MICOS10: variants seen among roughly 807,000 people sequenced by gnomAD.
The protein encoded by MICOS10 is mitochondrial contact site and cristae organizing system subunit 10.
In MICOS10, 5 loss-of-function variants were observed where a neutral mutation model predicts 13.4. That is an observed-to-expected ratio of 0.37 (90% confidence interval 0.20 to 0.78). The LOEUF (loss-of-function observed/expected upper bound fraction) is 0.78. Ranked by LOEUF, MICOS10 falls within the 30% of genes least tolerant of loss-of-function variation. MICOS10 has a pLI of 0.47. For missense variants in MICOS10, 101 were observed against 94.6 expected, an observed-to-expected ratio of 1.07 and a Z score of -0.28; for synonymous variants, 35 against 33.6, an observed-to-expected ratio of 1.04 and a Z score of -0.15.
At chr1:19,604,593 G>A (rs1161028175) in intron 1 of MICOS10, among the ~76,000 whole-genome samples, 1 of 152,156 alleles carries the variant, frequency 6.6e-6, no homozygotes, top group East Asian at 1.9e-4. Flanking sequence ...CCTGATCTTG[G>A]CTATTGTGGG....
intron 1 of MICOS10, among the ~76,000 whole-genome samples, chr1:19,613,058 C>T (rs1323062163): frequency 6.6e-6 from 1 of 152,172 alleles, no homozygotes; most frequent in Non-Finnish European, 1.5e-5. Flanking sequence ...TGGTTGTCTT[C>T]CATACCATCT....
intron 1 of MICOS10, among the ~76,000 whole-genome samples, chr1:19,610,966 G>A (rs1286310231): frequency 6.7e-6 from 1 of 148,860 alleles, no homozygotes; most frequent in Non-Finnish European, 1.5e-5. Context: ...TTTTTTTTGA[G>A]ACAGGGTCTC....
intron 1 of MICOS10, among the ~76,000 whole-genome samples, chr1:19,613,160 T>C (rs539374173): frequency 6.6e-6 from 1 of 152,314 alleles, no homozygotes; most frequent in South Asian, 2.1e-4. Flanking sequence ...TACCAGTCAG[T>C]TGAGCCGAGA....
At chr1:19,608,104 A>T (rs1233095291) in intron 1 of MICOS10, 3 of 952,154 alleles carry the variant, frequency 3.2e-6, no homozygotes, top group Non-Finnish European at 5.2e-6. Context: ...TCTGGAGACG[A>T]CGTGCAGAAA....
At chr1:19,617,297 A>G (rs1471088528) in intron 1 of MICOS10, 15 of 985,118 alleles carry the variant, frequency 1.5e-5, no homozygotes, top group Non-Finnish European at 1.8e-5. Flanking sequence ...ATCCCTGCAG[A>G]TGTTCCAGCC....
rs562097037 is a variant in MICOS10, at chr1:19,620,150, C to G, written c.65-1950C>G. ...TCATGCAACAGCAACAAAAAGTGGC[C>G]AAAGGCAGAGAAAACTCTTCTCTTT... On this transcript the variant is annotated intron_variant, in intron 1 of 3. Coordinates refer to ENST00000322753, the MANE Select transcript of MICOS10 (RefSeq NM_001032363.4). 6.0e-4 allele frequency among the ~76,000 whole-genome samples: 92 copies of G among 152,288 alleles called. 2 individuals carry two copies. The highest frequency in any genetic ancestry group is 2.1e-3 in the African/African-American group (86 of 41,550).
Position 19,623,531 on chromosome 1 carries a change from A to G in MICOS10, c.170A>G (p.Asn57Ser), listed in dbSNP as rs1014955024. 6.2e-7 allele frequency: 1 copy of G among 1,613,644 alleles called. No homozygotes were observed. ...ATGGGATTAGGAATGGCTTATTCCAACTGTCAGCATGATTTCCAGGCTCCA... is the reference window on the plus strand; with the variant it reads ...ATGGGATTAGGAATGGCTTATTCCAGCTGTCAGCATGATTTCCAGGCTCCA... Reference protein sequence around the residue: ...SGMGLGMAYSNCQHDFQAPYL... With the variant: ...SGMGLGMAYSSCQHDFQAPYL... Residue 57 changes from asparagine (N) to serine (S), a missense_variant, in exon 3 of 4, where the codon AAC becomes AGC. By Grantham distance (46) the Asn-to-Ser change is conservative. Transcript: ENST00000322753.
chr1:19,605,985 G>A (rs2094833131), intron 1 of MICOS10, among the ~76,000 whole-genome samples: 1 of 152,158 alleles, frequency 6.6e-6, no homozygotes. Flanking sequence ...AAAGTGACGT[G>A]GTTGAATTTC....
At chr1:19,613,686 ATAAC>A (rs2094872772) in intron 1 of MICOS10, among the ~76,000 whole-genome samples, 1 of 152,348 alleles carries the variant, frequency 6.6e-6, no homozygotes, top group South Asian at 2.1e-4. Flanking sequence ...CACGGTTTGT[ATAAC>A]TAAGGAAATG....
intron 1 of MICOS10, among the ~76,000 whole-genome samples, chr1:19,599,599 T>C (rs1485346067): frequency 6.6e-6 from 1 of 152,158 alleles, no homozygotes; most frequent in East Asian, 1.9e-4. Context: ...AATAAGAGTG[T>C]GGAAGGGCCT....
Position 19,626,634 on chromosome 1 carries a change from A to C in MICOS10, c.*233A>C. 1 of 525,548 alleles carries C rather than the reference A, an allele frequency of 1.9e-6. No homozygotes were observed. Among genetic ancestry groups the C allele is most frequent in the Non-Finnish European group, 3.4e-6 (1 of 290,756 alleles). The allele number at this position is 525,548 out of a possible 1,614,324, so 32.6% of individuals were successfully genotyped here. A position where few individuals can be genotyped will look rare whatever the true frequency, so the allele number is the denominator to read the frequency against. ...TAAATTAAACAAAAAGAGGAAGTCC[A>C]TTGCATGGCCTTTGTTTCTTCACCT... On this transcript the variant is annotated 3_prime_UTR_variant, in exon 4 of 4. Coordinates refer to ENST00000322753, the MANE Select transcript of MICOS10 (RefSeq NM_001032363.4).
chr1:19,599,125 G>A (rs2094804301), intron 1 of MICOS10, among the ~76,000 whole-genome samples: 1 of 151,770 alleles, frequency 6.6e-6, no homozygotes, highest in Admixed American at 6.6e-5. Flanking sequence ...GTGGGATCTC[G>A]GCTCACTGCA....
intron 3 of MICOS10, among the ~76,000 whole-genome samples, chr1:19,625,182 G>T (rs1017868186): frequency 5.3e-5 from 8 of 152,202 alleles, no homozygotes; most frequent in African/African-American, 1.9e-4. Context: ...TTTAAGCTGT[G>T]AAGTACGAAA....
intron 1 of MICOS10, among the ~76,000 whole-genome samples, chr1:19,611,970 CAA>C (rs1198566051): frequency 1.2e-4 from 11 of 91,316 alleles, no homozygotes; most frequent in Non-Finnish European, 1.3e-4. Context: ...GGCTCCATCT[CAA>C]AAAAAAAAAA....
intron 3 of MICOS10, 47 bp downstream of exon 3, chr1:19,623,630 T>C (rs1253006650): frequency 2.2e-6 from 3 of 1,359,856 alleles, no homozygotes; most frequent in Non-Finnish European, 3.1e-6. Flanking sequence ...GAAAAAGATT[T>C]CTCCTGAGCC....
chr1:19,611,985 A>AAAAAAAAG (rs2094864354), intron 1 of MICOS10, among the ~76,000 whole-genome samples: 1 of 150,814 alleles, frequency 6.6e-6, no homozygotes, highest in Non-Finnish European at 1.5e-5. Context: ...AAAAAAAAAA[A>AAAAAAAAG]GATTTTTTTT....
At chr1:19,601,340 A>T (rs922254144) in intron 1 of MICOS10, 3 of 227,140 alleles carry the variant, frequency 1.3e-5, no homozygotes, top group African/African-American at 6.7e-5. Flanking sequence ...GCACTTTGGG[A>T]GTCTAAGGTG....
chr1:19,599,424 GTC>G (rs944007789), intron 1 of MICOS10, among the ~76,000 whole-genome samples: 2 of 152,174 alleles, frequency 1.3e-5, no homozygotes, highest in Non-Finnish European at 2.9e-5. Context: ...GTGTCACTCT[GTC>G]TCTCATGCGT....
chr1:19,617,585 G>T (rs933518908), intron 1 of MICOS10, among the ~76,000 whole-genome samples: 12 of 152,240 alleles, frequency 7.9e-5, no homozygotes, highest in African/African-American at 2.6e-4. Context: ...CATTAATGGG[G>T]CCCTGAGCAT....
Sources: gnomAD v4.1 joint callset for allele counts (sites outside exome capture counted in the v4.1 genomes callset) on GRCh38, gnomAD v4.1.1 for gene constraint, MANE v1.5 for transcripts, NCBI Gene and HGNC (gene_info 2026-07-23, HGNC 2026-07-21) for gene names.